The following NAALADL2 variants were observed in gnomAD, a reference collection of about 807,000 sequenced individuals.
The protein encoded by NAALADL2 is N-acetylated alpha-linked acidic dipeptidase like 2.
A neutral mutation model predicts 87.2 loss-of-function variants in NAALADL2; 76 were observed. That is an observed-to-expected ratio of 0.87 (90% CI 0.72 to 1.05). The LOEUF is 1.05. NAALADL2 is among the 50% of genes least tolerant of loss of function. The probability of loss-of-function intolerance (pLI) is 0.00; values close to 1 mark genes in which losing one functional copy is unlikely to be tolerated. For missense variants in NAALADL2, 1,089 were observed against 945.8 expected, an observed-to-expected ratio of 1.15 and a Z score of -1.99; for synonymous variants, 354 against 331.0, an observed-to-expected ratio of 1.07 and a Z score of -0.75.
At chr3:175,147,142 T>C (rs1017953996) in intron 2 of NAALADL2, among the ~76,000 whole-genome samples, 1 of 152,200 alleles carries the variant, frequency 6.6e-6, no homozygotes, top group African/African-American at 2.4e-5. Flanking sequence ...GCAGGTTTGT[T>C]ACATAGATAT....
chr3:175,161,911 C>G (rs1733279080), intron 2 of NAALADL2, among the ~76,000 whole-genome samples: 1 of 152,138 alleles, frequency 6.6e-6, no homozygotes, highest in Non-Finnish European at 1.5e-5. Flanking sequence ...CAACATCTTT[C>G]TCATAACCTG....
chr3:174,757,368 A>G lies in NAALADL2; in HGVS notation c.-9+19622A>G, dbSNP rs747066138. On this transcript the variant is annotated intron_variant, in intron 3 of 3. Coordinates refer to the NAALADL2 transcript ENST00000434257. ...TTGAGATGAGGAGGTGTTAAAGTGA[A>G]GGAGTACTCTGGTTAGATGCTCAGC... Among the ~76,000 whole-genome samples the G allele has an allele frequency of 3.7e-4, 56 of 152,362 alleles. 1 individual carries two copies. Among genetic ancestry groups the G allele is most frequent in the Middle Eastern group, 6.8e-3 (2 of 294 alleles).
chr3:174,995,760 C>A (rs903446326), intron 1 of NAALADL2, among the ~76,000 whole-genome samples: 2 of 150,538 alleles, frequency 1.3e-5, no homozygotes, highest in African/African-American at 4.9e-5. Context: ...AAACCTTAAC[C>A]TTTGAATTGC....
At chr3:175,432,690 C>T (rs1344616500) in intron 5 of NAALADL2, among the ~76,000 whole-genome samples, 4 of 151,964 alleles carry the variant, frequency 2.6e-5, no homozygotes, top group Non-Finnish European at 5.9e-5. Flanking sequence ...CAAAGCCAGG[C>T]TCATTCTATG....
At chr3:175,579,642 A>G (rs893282957) in intron 10 of NAALADL2, among the ~76,000 whole-genome samples, 1 of 152,192 alleles carries the variant, frequency 6.6e-6, no homozygotes, top group Non-Finnish European at 1.5e-5. Flanking sequence ...TCATTTAAAT[A>G]AGGTTTTAGA....
intron 5 of NAALADL2, among the ~76,000 whole-genome samples, chr3:175,415,327 T>C (rs1714403277): frequency 6.6e-6 from 1 of 152,138 alleles, no homozygotes; most frequent in African/African-American, 2.4e-5. Flanking sequence ...TTTCCATGTA[T>C]GTTATATGAT....
Position 175,803,780 on chromosome 3 carries a change from T to TACAA in NAALADL2, c.*577_*578insACAA. The TACAA allele has an allele frequency of 6.6e-6, 1 of 152,336 alleles. No individual in the cohort carries two copies. Among genetic ancestry groups the TACAA allele is most frequent in the Non-Finnish European group, 1.5e-5 (1 of 67,926 alleles). 9.4% of individuals were successfully genotyped at this position (152,336 alleles called of 1,614,324 possible). A position where few individuals can be genotyped will look rare whatever the true frequency, so the allele number is the denominator to read the frequency against. On this transcript the variant is annotated 3_prime_UTR_variant, in exon 14 of 14. Transcript: ENST00000454872. ...GTAATACACTGGTTATGAAATTGTA[T>TACAA]TTTTTTAAGTATTAATGAAAAAAGA...
intron 11 of NAALADL2, among the ~76,000 whole-genome samples, chr3:175,689,884 C>A (rs1560980113): frequency 6.6e-6 from 1 of 152,052 alleles, no homozygotes; most frequent in Non-Finnish European, 1.5e-5. Context: ...AAGTATCACT[C>A]TTCTTTAATG....
At chr3:174,822,408 C>A (rs974800542) in intron 3 of NAALADL2, among the ~76,000 whole-genome samples, 5 of 152,030 alleles carry the variant, frequency 3.3e-5, no homozygotes, top group Admixed American at 6.6e-5. Context: ...AAATATTGGA[C>A]CAGTTTAAAA....
intron 2 of NAALADL2, among the ~76,000 whole-genome samples, chr3:174,681,523 C>A (rs1727537313): frequency 6.6e-6 from 1 of 152,120 alleles, no homozygotes; most frequent in Non-Finnish European, 1.5e-5. Flanking sequence ...GATAGGACTC[C>A]AATCAGAAAC....
At chr3:174,892,067 T>C (rs1217101097) in intron 1 of NAALADL2, among the ~76,000 whole-genome samples, 2 of 152,162 alleles carry the variant, frequency 1.3e-5, no homozygotes, top group African/African-American at 2.4e-5. Flanking sequence ...ACCCAAGTTC[T>C]TTCAAATATC....
At chr3:174,921,956 C>G (rs974963065) in intron 1 of NAALADL2, among the ~76,000 whole-genome samples, 3 of 151,682 alleles carry the variant, frequency 2.0e-5, no homozygotes, top group Non-Finnish European at 4.4e-5. Context: ...TTATTAGTAC[C>G]TGTTCTTTTG....
intron 1 of NAALADL2, among the ~76,000 whole-genome samples, chr3:174,523,843 T>C (rs1720490429): frequency 1.3e-5 from 2 of 152,210 alleles, no homozygotes; most frequent in African/African-American, 2.4e-5. Flanking sequence ...ATTATTTTAG[T>C]CATCATAATC....
chr3:175,444,302 G>A (rs1720317004), intron 5 of NAALADL2, among the ~76,000 whole-genome samples: 1 of 152,300 alleles, frequency 6.6e-6, no homozygotes, highest in East Asian at 1.9e-4. Context: ...TAATGGCTGA[G>A]AGAGAAAACA....
chr3:174,712,320 T>C (rs116794829), intron 2 of NAALADL2, among the ~76,000 whole-genome samples: 1,700 of 150,914 alleles, frequency 0.011, 34 homozygotes, highest in African/African-American at 0.039. Context: ...AATGCTATGA[T>C]AATAATTTCA....
chr3:175,186,103 T>C (rs2109022000), intron 2 of NAALADL2, among the ~76,000 whole-genome samples: 1 of 152,204 alleles, frequency 6.6e-6, no homozygotes, highest in Middle Eastern at 3.4e-3. Flanking sequence ...CATAACTTTG[T>C]AAGGCATCAG....
intron 10 of NAALADL2, among the ~76,000 whole-genome samples, chr3:175,620,074 G>GAA (rs34788490): frequency 0.021 from 3,086 of 147,380 alleles, 39 homozygotes; most frequent in Non-Finnish European, 0.029. Context: ...TCTCTTTTTG[G>GAA]AAAAAAAAAA....
At chr3:174,934,277 C>T (rs546115278) in intron 1 of NAALADL2, among the ~76,000 whole-genome samples, 137 of 152,258 alleles carry the variant, frequency 9.0e-4, no homozygotes, top group African/African-American at 3.2e-3. Context: ...TGTATGATTT[C>T]TTAACCAAGA....
chr3:175,068,270 T>C (rs1714920386), intron 1 of NAALADL2, among the ~76,000 whole-genome samples: 2 of 152,002 alleles, frequency 1.3e-5, no homozygotes, highest in African/African-American at 4.8e-5. Flanking sequence ...AACAATAGAA[T>C]AAAAAATTAG....
Sources: gnomAD v4.1 joint callset for allele counts (sites outside exome capture counted in the v4.1 genomes callset) on GRCh38, gnomAD v4.1.1 for gene constraint, MANE v1.5 for transcripts, NCBI Gene and HGNC (gene_info 2026-07-23, HGNC 2026-07-21) for gene names.